NGEF: variants seen among roughly 807,000 people sequenced by gnomAD.
The protein encoded by NGEF is neuronal guanine nucleotide exchange factor, also known as ephexin-1.
A neutral mutation model predicts 80.9 loss-of-function variants in NGEF; 31 were observed. The observed-to-expected ratio is 0.38, with a 90% CI of 0.29 to 0.52. NGEF has a LOEUF of 0.52. Among genes scored for constraint, NGEF ranks in the 20% least tolerant of loss-of-function variants. NGEF has a pLI of 0.84. For missense variants in NGEF, 709 were observed against 926.2 expected (o/e 0.77, Z 3.04); for synonymous variants, 371 against 370.2 (o/e 1.00, Z -0.03).
intron 3 of NGEF, among the ~76,000 whole-genome samples, chr2:232,957,714 G>A (rs554114324): frequency 6.6e-6 from 1 of 152,212 alleles, no homozygotes. Context: ...TCACATGCAA[G>A]TTTCTGCACC....
chr2:232,995,254 ATGTGTACAGTATGTATGC>A lies in NGEF; in HGVS notation c.-75+17796_-75+17813del, dbSNP rs1206830325. 1.3e-3 allele frequency among the ~76,000 whole-genome samples: 27 copies of A among 20,322 alleles called. 6 individuals carry two copies. The highest frequency in any genetic ancestry group is 3.9e-3 in the African/African-American group (21 of 5,326). 13.3% of individuals were successfully genotyped at this position (20,322 alleles called of 152,430 possible). A position where few individuals can be genotyped will look rare whatever the true frequency, so the allele number is the denominator to read the frequency against. ...GCTGTGTACAGTATGTATACTGTAT[ATGTGTACAGTATGTATGC>A]TGTGTACAGTATGTATACTGTATAT... On this transcript the variant is annotated intron_variant, in intron 1 of 14. Transcript: ENST00000264051.
intron 3 of NGEF, chr2:232,927,872 G>A (rs1308431233): frequency 4.0e-6 from 5 of 1,262,198 alleles, no homozygotes; most frequent in Admixed American, 4.3e-5. Context: ...CGCCGGGGCC[G>A]GGACAGGCGC....
At chr2:233,002,835 G>A (rs1335612336) in intron 1 of NGEF, among the ~76,000 whole-genome samples, 3 of 152,212 alleles carry the variant, frequency 2.0e-5, no homozygotes, top group African/African-American at 4.8e-5. Flanking sequence ...GGCAGCAACA[G>A]CATTTGTGAA....
intron 3 of NGEF, among the ~76,000 whole-genome samples, chr2:232,945,484 C>CAGACAA: frequency 6.6e-6 from 1 of 152,006 alleles, no homozygotes; most frequent in Non-Finnish European, 1.5e-5. Context: ...GACACAGACA[C>CAGACAA]AGACACAGAC....
At chr2:232,995,121 GTA>G (rs1241854010) in intron 1 of NGEF, among the ~76,000 whole-genome samples, 209 of 6,950 alleles carry the variant, frequency 0.03, 65 homozygotes, top group African/African-American at 0.11. Context: ...TATGTGTACA[GTA>G]TGTATATATG....
intron 5 of NGEF, among the ~76,000 whole-genome samples, chr2:232,897,515 T>C (rs11885360): frequency 0.011 from 1,737 of 152,234 alleles, 43 homozygotes; most frequent in African/African-American, 0.04. Flanking sequence ...GATGCCCGCC[T>C]GCAGGAGCTC....
At chr2:232,899,683 C>T (rs1172848580) in intron 5 of NGEF, among the ~76,000 whole-genome samples, 2 of 127,974 alleles carry the variant, frequency 1.6e-5, no homozygotes, top group Admixed American at 8.4e-5. Flanking sequence ...CTCACAGTCA[C>T]TCATACACAC....
In NGEF at chr2:233,013,043, A is replaced by G. The variant is rs187911865; in HGVS notation, c.-75+25T>C. On this transcript the variant is annotated intron_variant, in intron 1 of 14. Coordinates refer to ENST00000264051, the MANE Select transcript of NGEF (RefSeq NM_019850.3). ...TGTTTTATCTCATTTTATTTTTTTA[A>G]AAAATACCAAAACCATTCTCTCACC... The G allele has an allele frequency of 6.6e-6, 3 of 457,858 alleles. No individual in the cohort carries two copies. The East Asian group carries it at 2.1e-4, about 32-fold the overall frequency. 28.4% of individuals were successfully genotyped at this position (457,858 alleles called of 1,614,324 possible).
intron 1 of NGEF, among the ~76,000 whole-genome samples, chr2:232,993,833 T>A (rs1218522134): frequency 6.6e-6 from 1 of 152,134 alleles, no homozygotes; most frequent in African/African-American, 2.4e-5. Context: ...ACATATTGTA[T>A]GATTGCATTT....
intron 8 of NGEF, among the ~76,000 whole-genome samples, 174 bp from the exon 9 acceptor site, chr2:232,888,281 C>A (rs541240336): frequency 6.6e-6 from 1 of 151,430 alleles, no homozygotes; most frequent in East Asian, 2.0e-4. Flanking sequence ...TGCATACAGA[C>A]CTGCGTGTGC....
chr2:232,920,171 T>C (rs879528366), intron 5 of NGEF, 113 bp downstream of exon 5: 10 of 1,013,678 alleles, frequency 9.9e-6, no homozygotes, highest in Non-Finnish European at 1.5e-5. Flanking sequence ...CTGCCAGCGA[T>C]TCCTCTGGTG....
At chr2:232,998,294 C>T (rs2106341435) in intron 1 of NGEF, among the ~76,000 whole-genome samples, 1 of 152,284 alleles carries the variant, frequency 6.6e-6, no homozygotes, top group South Asian at 2.1e-4. Flanking sequence ...TCCAGGATCA[C>T]ACAGCTGGTA....
chr2:232,970,381 A>G (rs1574645084), intron 2 of NGEF, 53 bp from the exon 3 acceptor site: 10 of 1,200,474 alleles, frequency 8.3e-6, no homozygotes, highest in South Asian at 2.6e-5. Context: ...AACCCTTTTC[A>G]GGCAATTCTC....
At chr2:232,955,927 G>A (rs1000433244) in intron 3 of NGEF, among the ~76,000 whole-genome samples, 1 of 152,178 alleles carries the variant, frequency 6.6e-6, no homozygotes, top group Non-Finnish European at 1.5e-5. Context: ...TAGATGAAGG[G>A]TTTGCATCTT....
At chr2:232,913,318 T>C (rs1342110491) in intron 5 of NGEF, among the ~76,000 whole-genome samples, 1 of 152,244 alleles carries the variant, frequency 6.6e-6, no homozygotes, top group Non-Finnish European at 1.5e-5. Flanking sequence ...TACCGATTTC[T>C]AGTGTAATTC....
chr2:232,879,535 C>G lies in NGEF; in HGVS notation c.2087G>C (p.Ser696Thr). The G allele has an allele frequency of 6.2e-7, 1 of 1,612,954 alleles. No individual in the cohort carries two copies. Among genetic ancestry groups the G allele is most frequent in the South Asian group, 1.1e-5 (1 of 91,016 alleles). Residue 696 changes from serine (S) to threonine (T), a missense_variant, in exon 15 of 15, where the codon AGC (serine) becomes ACC (threonine). Transcript: ENST00000264051. ...RVHKMDDPQRSQNKDRRKLGS... is the reference protein window; with the variant it reads ...RVHKMDDPQRTQNKDRRKLGS... ...CAGCTTCCTGCGGTCCTTGTTCTGG[C>G]TGCGCTGAGGGTCATCCATCTTGTG...
intron 4 of NGEF, among the ~76,000 whole-genome samples, chr2:232,923,936 T>C (rs1239687943): frequency 1.3e-5 from 2 of 151,946 alleles, no homozygotes. Context: ...ATGCCTTCCC[T>C]TATAAAAGAG....
intron 3 of NGEF, among the ~76,000 whole-genome samples, chr2:232,955,961 G>T (rs1010125605): frequency 1.3e-5 from 2 of 152,148 alleles, no homozygotes; most frequent in Non-Finnish European, 1.5e-5. Context: ...TGTTAGTTTG[G>T]CGTGTTTTTG....
intron 1 of NGEF, among the ~76,000 whole-genome samples, chr2:232,994,637 T>C (rs1485577563): frequency 1.3e-5 from 2 of 152,114 alleles, no homozygotes; most frequent in African/African-American, 2.4e-5. Flanking sequence ...GCATGGCTTG[T>C]CATCCCCGTT....
Sources: allele counts gnomAD v4.1 joint callset (sites outside exome capture counted in the v4.1 genomes callset), GRCh38; gene constraint gnomAD v4.1.1; transcripts MANE v1.5; gene names NCBI Gene and HGNC (gene_info 2026-07-23, HGNC 2026-07-21).